The following SLC30A9 variants were observed in gnomAD, a reference collection of about 807,000 sequenced individuals.
SLC30A9 encodes the protein proton-coupled zinc antiporter SLC30A9, mitochondrial.
A neutral mutation model predicts 87.5 loss-of-function variants in SLC30A9; 58 were observed. That is an observed-to-expected ratio of 0.66 (90% CI 0.54 to 0.82). The LOEUF (loss-of-function observed/expected upper bound fraction) is 0.82, where lower values mean the gene tolerates loss of function less well. Ranked by LOEUF, SLC30A9 falls within the 40% of genes least tolerant of loss-of-function variation. The pLI is 0.00. For missense variants in SLC30A9, 557 were observed against 679.1 expected (o/e 0.82, Z 2.00); for synonymous variants, 234 against 233.0 (o/e 1.00, Z -0.04).
At chr4:42,063,256 C>A in intron 11 of SLC30A9, 135 bp downstream of exon 11, 2 of 597,146 alleles carry the variant, frequency 3.3e-6, no homozygotes, top group Non-Finnish European at 5.4e-6. Context: ...GGTTATATAT[C>A]TATAGTTTAA....
chr4:42,035,356 G>C (rs1716636445), intron 7 of SLC30A9, 23 bp downstream of exon 7: 1 of 1,597,066 alleles, frequency 6.3e-7, no homozygotes, highest in African/African-American at 1.3e-5. Context: ...TTGTAATAAT[G>C]TGTGTGTTTG....
At chr4:41,994,046 A>G (rs1714578648) in intron 1 of SLC30A9, among the ~76,000 whole-genome samples, 1 of 152,138 alleles carries the variant, frequency 6.6e-6, no homozygotes, top group Admixed American at 6.5e-5. Flanking sequence ...AATCCCAGCT[A>G]CTTGGGAGAC....
chr4:42,035,623 G>A lies in SLC30A9; in HGVS notation c.669+290G>A, dbSNP rs138395358. On this transcript the variant is annotated intron_variant, in intron 7 of 17. Transcript: ENST00000264451. The stretch of plus-strand genomic sequence containing the variant: ...AGCAATTCTCCTGCCTCAGCCTCCC[G>A]AGCAGCTGGGACCACAGGCATGCCA... Among the ~76,000 whole-genome samples the A allele has an allele frequency of 4.2e-3, 638 of 151,262 alleles. 6 individuals carry two copies. Among genetic ancestry groups the A allele is most frequent in the African/African-American group, 0.014 (594 of 41,176 alleles).
At chr4:42,029,515 T>C (rs1439682986) in intron 6 of SLC30A9, 1 of 677,370 alleles carries the variant, frequency 1.5e-6, no homozygotes, top group East Asian at 2.7e-5. Flanking sequence ...CTGTGAGGCA[T>C]ATGTGCTGAA....
At chr4:42,008,300 G>A (rs1350244484) in intron 2 of SLC30A9, among the ~76,000 whole-genome samples, 1 of 152,154 alleles carries the variant, frequency 6.6e-6, no homozygotes, top group Non-Finnish European at 1.5e-5. Flanking sequence ...TAGCCACCCA[G>A]TAAGTCTTTA....
intron 6 of SLC30A9, among the ~76,000 whole-genome samples, chr4:42,033,820 C>T (rs1385120096): frequency 2.0e-5 from 3 of 152,206 alleles, no homozygotes; most frequent in Non-Finnish European, 4.4e-5. Context: ...TGTGATCCAC[C>T]CGCCTTGGCC....
chr4:42,033,998 C>G (rs1179116813), intron 6 of SLC30A9, among the ~76,000 whole-genome samples: 1 of 150,020 alleles, frequency 6.7e-6, no homozygotes, highest in Non-Finnish European at 1.5e-5. Flanking sequence ...AATCATTCCC[C>G]CATAGGACGT....
At chr4:42,033,205 A>G (rs1033021095) in intron 6 of SLC30A9, among the ~76,000 whole-genome samples, 1 of 152,184 alleles carries the variant, frequency 6.6e-6, no homozygotes, top group Admixed American at 6.5e-5. Flanking sequence ...CTAAAAATTT[A>G]CATGATTTCT....
chr4:42,066,167 A>AT (rs1168202108), intron 12 of SLC30A9, among the ~76,000 whole-genome samples: 1 of 152,076 alleles, frequency 6.6e-6, no homozygotes, highest in East Asian at 1.9e-4. Context: ...TAAAATTAAC[A>AT]TTTTTTATTG....
intron 9 of SLC30A9, among the ~76,000 whole-genome samples, chr4:42,055,130 C>A (rs1717551207): frequency 6.6e-6 from 1 of 152,010 alleles, no homozygotes. Context: ...TCAAGACCAG[C>A]CTGACCAACA....
intron 10 of SLC30A9, 37 bp downstream of exon 10, chr4:42,060,283 G>C (rs749628956): frequency 6.7e-7 from 1 of 1,487,018 alleles, no homozygotes; most frequent in South Asian, 1.1e-5. Context: ...TGTTTGTTTT[G>C]GCGATAAGTC....
intron 2 of SLC30A9, among the ~76,000 whole-genome samples, chr4:42,007,078 G>C (rs1220108172): frequency 1.3e-5 from 2 of 152,142 alleles, no homozygotes; most frequent in Non-Finnish European, 2.9e-5. Flanking sequence ...ATGTCAAACA[G>C]GTTGCAAAGG....
At chr4:42,057,281 C>T (rs1717661689) in intron 9 of SLC30A9, among the ~76,000 whole-genome samples, 1 of 152,184 alleles carries the variant, frequency 6.6e-6, no homozygotes, top group East Asian at 1.9e-4. Flanking sequence ...ACTGCCCTAG[C>T]AGAGGTTGTC....
At position 41,992,615 on chromosome 4, in the gene SLC30A9, T is replaced by G. The variant is rs2581432; in HGVS notation, c.109+1855T>G. Among the ~76,000 whole-genome samples the G allele has an allele frequency of 4.9e-3, 752 of 152,360 alleles. 4 individuals carry two copies. The highest frequency in any genetic ancestry group is 8.8e-3 in the Non-Finnish European group (596 of 68,028). On this transcript the variant is annotated intron_variant, in intron 1 of 17. Transcript: ENST00000264451. ...GTCTCATCTGTCTGTGAAACACAGA[T>G]AATTATTACCTACCTTAGTGGTCAA...
intron 9 of SLC30A9, among the ~76,000 whole-genome samples, chr4:42,058,660 T>C (rs1449067893): frequency 1.3e-5 from 2 of 152,210 alleles, no homozygotes; most frequent in Non-Finnish European, 2.9e-5. Flanking sequence ...CTCACAATCA[T>C]GGCAGAAGGT....
At chr4:42,029,342 G>A (rs901830091) in intron 6 of SLC30A9, 32 of 556,302 alleles carry the variant, frequency 5.8e-5, no homozygotes, top group African/African-American at 5.7e-4. Flanking sequence ...TTTTATGGCT[G>A]CCTGACTGGC....
At chr4:42,021,957 C>T (rs1190755055) in intron 4 of SLC30A9, among the ~76,000 whole-genome samples, 22 of 48,992 alleles carry the variant, frequency 4.5e-4, no homozygotes, top group Non-Finnish European at 7.1e-4. Context: ...GAGACGGAGT[C>T]TCGCTCTGTT....
At chr4:42,032,289 T>C (rs1285337872) in intron 6 of SLC30A9, among the ~76,000 whole-genome samples, 2 of 151,844 alleles carry the variant, frequency 1.3e-5, no homozygotes, top group Non-Finnish European at 2.9e-5. Context: ...GTCCAAACCA[T>C]GTCACCAGCC....
rs765988319 is a variant in SLC30A9, at chr4:42,063,118, A to G, written c.1029A>G (p.Leu343=). 5 of 1,613,154 alleles carry G rather than the reference A, an allele frequency of 3.1e-6. No homozygotes were observed. The South Asian group carries it at 4.4e-5, about 14-fold the overall frequency. ...ATCCTCAACCAATAGAATCCCTTCT[A>G]TGGGTAATCCTCTTTTTTTCTCCTC... is the stretch of plus-strand genomic sequence containing the variant. The part of the protein sequence containing the change: ...LLHPQPIESL[L]WAYCILAGSL... The change falls in exon 11 of 18, where the codon CTA becomes CTG. Residue 343 remains leucine, a synonymous_variant. Coordinates refer to ENST00000264451, the MANE Select transcript of SLC30A9 (RefSeq NM_006345.4).
Sources: allele counts gnomAD v4.1 joint callset (sites outside exome capture counted in the v4.1 genomes callset), GRCh38; gene constraint gnomAD v4.1.1; transcripts MANE v1.5; gene names NCBI Gene and HGNC (gene_info 2026-07-23, HGNC 2026-07-21).